AK9: variants seen among roughly 807,000 people sequenced by gnomAD.
AK9 encodes adenylate kinase 9, also known as adenylate kinase domain containing 1.
In AK9, 191 loss-of-function variants were observed where a neutral mutation model predicts 239.6. The observed-to-expected ratio is 0.80, with a 90% CI of 0.71 to 0.90. The LOEUF (loss-of-function observed/expected upper bound fraction) is 0.90. AK9 is among the 40% of genes least tolerant of loss of function. The probability of loss-of-function intolerance (pLI) is 0.00; values close to 1 mark genes in which losing one functional copy is unlikely to be tolerated. For synonymous variants in AK9, 689 were observed against 721.0 expected, an observed-to-expected ratio of 0.96 and a Z score of 0.71; for missense variants, 1,995 against 2,214.7, an observed-to-expected ratio of 0.90 and a Z score of 1.99.
At position 109,563,641 on chromosome 6, in the gene AK9, C is replaced by T. The variant is rs762762046; in HGVS notation, c.2707G>A (p.Glu903Lys). ...TCTAGCTCCTCATCAACCTCTGCTT[C>T]AGTCTGGTAGTCTTCTGTTTCTTCC... Reference protein sequence around the residue: ...YEEETEDYQTEAEVDEELEEE... With the variant: ...YEEETEDYQTKAEVDEELEEE... Residue 903 changes from glutamate to lysine, a missense_variant, in exon 24 of 41, where the codon GAA becomes AAA. By Grantham distance (56) the Glu-to-Lys change is moderately conservative. Coordinates refer to ENST00000424296, the MANE Select transcript of AK9 (RefSeq NM_001145128.3). 2 of 1,550,954 alleles carry T rather than the reference C, an allele frequency of 1.3e-6. No homozygotes were observed. Among genetic ancestry groups the T allele is most frequent in the Non-Finnish European group, 8.7e-7 (1 of 1,146,274 alleles).
At chr6:109,673,921 C>T (rs1270206357) in intron 3 of AK9, among the ~76,000 whole-genome samples, 1 of 151,152 alleles carries the variant, frequency 6.6e-6, no homozygotes, top group African/African-American at 2.4e-5. Flanking sequence ...ACTGTTTGAG[C>T]CCAGGAGTTT....
rs2115413744 is a variant in AK9 at position 109,499,252 on chromosome 6, A to G, written c.4850-12T>C. ...GCAGGCAGCTTTTCCTATTATTAACATATTAACTATTATCATGTATATATT... is the reference window on the plus strand; with the variant it reads ...GCAGGCAGCTTTTCCTATTATTAACGTATTAACTATTATCATGTATATATT... On this transcript the variant is annotated splice_polypyrimidine_tract_variant and intron_variant, in intron 35 of 40. Coordinates refer to ENST00000424296, the MANE Select transcript of AK9 (RefSeq NM_001145128.3). 2 of 1,471,034 alleles carry G rather than the reference A, an allele frequency of 1.4e-6. No homozygotes were observed. The highest frequency in any genetic ancestry group is 2.4e-5 in the East Asian group (1 of 41,084). 91.1% of individuals were successfully genotyped at this position (1,471,034 alleles called of 1,614,324 possible). A position where few individuals can be genotyped will look rare whatever the true frequency, so the allele number is the denominator to read the frequency against.
chr6:109,643,746 A>G (rs1192530394), intron 9 of AK9, among the ~76,000 whole-genome samples: 2 of 151,912 alleles, frequency 1.3e-5, no homozygotes, highest in African/African-American at 4.8e-5. Context: ...CTCCAGCCCC[A>G]TCCTCCTACG....
chr6:109,524,242 GT>G (rs1184320772), intron 29 of AK9, among the ~76,000 whole-genome samples: 2 of 151,998 alleles, frequency 1.3e-5, no homozygotes, highest in Non-Finnish European at 2.9e-5. Flanking sequence ...AAAATTGTTG[GT>G]TGGGCTTAAA....
In AK9 at chr6:109,588,951, C is replaced by A. The variant is rs1177292547; in HGVS notation, c.1843-2879G>T. Among the ~76,000 whole-genome samples, 5 of 152,118 alleles carry A rather than the reference C, an allele frequency of 3.3e-5. No individual in the cohort carries two copies. In the East Asian group the frequency reaches 9.6e-4, roughly 29 times the overall value. On this transcript the variant is annotated intron_variant, in intron 17 of 40. Transcript: ENST00000424296. ...CAATCTAAGTGTCTTTTTAAAATAC[C>A]AGTACCATGCTGTTTTGGTTACTAT...
chr6:109,678,872 C>G (rs1158884703), intron 1 of AK9, among the ~76,000 whole-genome samples: 2 of 152,160 alleles, frequency 1.3e-5, no homozygotes, highest in Non-Finnish European at 2.9e-5. Context: ...ACTCCCTCCC[C>G]TAGCCAAGGG....
chr6:109,495,982 TAA>T (rs77612648), intron 38 of AK9, among the ~76,000 whole-genome samples: 14 of 141,732 alleles, frequency 9.9e-5, no homozygotes, highest in Non-Finnish European at 7.7e-5. Context: ...ATTCCCCATT[TAA>T]AAAAAAAAAA....
At chr6:109,507,109 T>C (rs1323342704) in intron 33 of AK9, among the ~76,000 whole-genome samples, 1 of 152,334 alleles carries the variant, frequency 6.6e-6, no homozygotes, top group South Asian at 2.1e-4. Flanking sequence ...ACTCCCACAG[T>C]ACCTTGAATA....
intron 17 of AK9, among the ~76,000 whole-genome samples, chr6:109,607,935 A>G (rs556747938): frequency 6.6e-6 from 1 of 152,202 alleles, no homozygotes; most frequent in East Asian, 1.9e-4. Context: ...GACAGGAGAA[A>G]TAGGGTGCTG....
At chr6:109,628,742 T>C (rs191062055) in intron 12 of AK9, among the ~76,000 whole-genome samples, 1 of 152,220 alleles carries the variant, frequency 6.6e-6, no homozygotes, top group Non-Finnish European at 1.5e-5. Context: ...TTTTTTCCAC[T>C]GACAACTCAG....
At chr6:109,657,531 T>A (rs1277135799) in intron 7 of AK9, among the ~76,000 whole-genome samples, 4 of 146,206 alleles carry the variant, frequency 2.7e-5, no homozygotes, top group African/African-American at 4.9e-5. Context: ...GAGAGAGAAC[T>A]GCCACACAAG....
At chr6:109,577,497 T>C (rs982319894) in intron 20 of AK9, among the ~76,000 whole-genome samples, 2 of 152,124 alleles carry the variant, frequency 1.3e-5, no homozygotes, top group African/African-American at 4.8e-5. Context: ...ACTGGCATCA[T>C]AGAATGATTT....
chr6:109,531,341 T>G (rs984180253), intron 28 of AK9, among the ~76,000 whole-genome samples: 1 of 151,884 alleles, frequency 6.6e-6, no homozygotes, highest in Non-Finnish European at 1.5e-5. Flanking sequence ...TGAACTGAGA[T>G]AGAGTTATTG....
At chr6:109,680,883 C>T (rs1383967065) in intron 1 of AK9, among the ~76,000 whole-genome samples, 3 of 152,156 alleles carry the variant, frequency 2.0e-5, no homozygotes, top group African/African-American at 7.2e-5. Context: ...AAATAAAATC[C>T]TTTACAGACA....
intron 13 of AK9, among the ~76,000 whole-genome samples, chr6:109,616,125 A>T (rs1327216672): frequency 1.3e-5 from 2 of 152,122 alleles, no homozygotes; most frequent in East Asian, 3.9e-4. Context: ...TTACCTACAT[A>T]ATTAGTCAAG....
intron 21 of AK9, among the ~76,000 whole-genome samples, chr6:109,566,631 TG>T (rs1043784548): frequency 2.0e-5 from 3 of 152,032 alleles, no homozygotes; most frequent in Non-Finnish European, 2.9e-5. Context: ...ACATATGCAT[TG>T]GGAATGTTCT....
chr6:109,551,764 T>C (rs544778475), intron 24 of AK9, among the ~76,000 whole-genome samples: 1 of 101,366 alleles, frequency 9.9e-6, no homozygotes, highest in African/African-American at 3.1e-5. Context: ...AGTTTTTTAT[T>C]TCTTCCAAAA....
intron 17 of AK9, among the ~76,000 whole-genome samples, chr6:109,599,328 G>A (rs1220920844): frequency 1.3e-5 from 2 of 152,160 alleles, no homozygotes; most frequent in Admixed American, 1.3e-4. Context: ...TTGTTGAATA[G>A]GGAATCCTTT....
chr6:109,595,248 C>T (rs773446248), intron 17 of AK9, among the ~76,000 whole-genome samples: 28 of 152,116 alleles, frequency 1.8e-4, no homozygotes, highest in East Asian at 3.9e-4. Flanking sequence ...AACAAACATA[C>T]GAAAAAAAGC....
Sources: gnomAD v4.1 joint callset for allele counts (sites outside exome capture counted in the v4.1 genomes callset) on GRCh38, gnomAD v4.1.1 for gene constraint, MANE v1.5 for transcripts, NCBI Gene and HGNC (gene_info 2026-07-23, HGNC 2026-07-21) for gene names.